Variants in KIAA0753 observed in about 807,000 individuals in gnomAD.
KIAA0753 encodes the protein KIAA0753.
KIAA0753 carries 114 observed loss-of-function variants against 116.9 expected under a neutral mutation model. That is an observed-to-expected ratio of 0.98 (90% CI 0.84 to 1.14). The LOEUF is 1.14. Among genes scored for constraint, KIAA0753 ranks in the 50% most tolerant of loss-of-function variants. The pLI, the probability that KIAA0753 is intolerant of heterozygous loss-of-function variation, is 0.00. For synonymous variants in KIAA0753, 405 were observed against 413.1 expected, an observed-to-expected ratio of 0.98 and a Z score of 0.24; for missense variants, 1,156 against 1,172.4, an observed-to-expected ratio of 0.99 and a Z score of 0.20.
At chr17:6,617,426 A>C (rs1971005420) in intron 7 of KIAA0753, among the ~76,000 whole-genome samples, 5 of 152,230 alleles carry the variant, frequency 3.3e-5, no homozygotes, top group Admixed American at 3.3e-4. Context: ...GTAAATGAAT[A>C]AATTAGGTTT....
intron 18 of KIAA0753, among the ~76,000 whole-genome samples, chr17:6,584,955 C>T (rs1401277896): frequency 6.6e-6 from 1 of 151,778 alleles, no homozygotes; most frequent in Non-Finnish European, 1.5e-5. Context: ...GCATGTACCA[C>T]CATGCCCAGC....
chr17:6,596,190 C>G lies in KIAA0753; in HGVS notation c.2326G>C (p.Glu776Gln). The change falls in exon 15 of 19, where the codon GAG becomes CAG. Residue 776 changes from glutamate (E) to glutamine (Q), a missense_variant. Transcript: ENST00000361413. ...TCTTCCATTCGGCGCATCATGATCT[C>G]CAGATCTGGGCTATCCTTGCTGTCC... ...VEDSKDSPDL[E>Q]IMMRRMEEME... The G allele has an allele frequency of 1.2e-6, 2 of 1,613,938 alleles. No homozygotes were observed. The highest frequency in any genetic ancestry group is 1.7e-6 in the Non-Finnish European group (2 of 1,179,850).
At chr17:6,607,364 A>C in intron 10 of KIAA0753, 94 bp from the exon 11 acceptor site, 3 of 937,076 alleles carry the variant, frequency 3.2e-6, no homozygotes, top group Non-Finnish European at 5.2e-6. Context: ...ACCACTGCAG[A>C]GCAGAGCACC....
intron 18 of KIAA0753, among the ~76,000 whole-genome samples, chr17:6,580,316 C>CA (rs1555566507): frequency 7.2e-6 from 1 of 139,336 alleles, no homozygotes; most frequent in Non-Finnish European, 1.6e-5. Flanking sequence ...AGCCAAGATA[C>CA]TTTTTTTTTT....
Position 6,635,048 on chromosome 17 carries a change from A to C in KIAA0753, c.56T>G (p.Leu19Arg). The change falls in exon 2 of 19, where the codon CTT becomes CGT. Residue 19 changes from leucine (L) to arginine (R), a missense_variant. Coordinates refer to ENST00000361413, the MANE Select transcript of KIAA0753 (RefSeq NM_014804.3). The part of the protein sequence containing the change: ...TCVHLAPRTQ[L>R]DGRSDPKVLQ... ...TACTTTGGGGTCGCTCCTCCCATCA[A>C]GTTGGGTCCTAGGTGCTAGATGAAC... The C allele has an allele frequency of 6.2e-7, 1 of 1,613,886 alleles. No homozygotes were observed. The highest frequency in any genetic ancestry group is 8.5e-7 in the Non-Finnish European group (1 of 1,179,778).
At chr17:6,636,434 T>C (rs529719935) in intron 1 of KIAA0753, 4 of 152,116 alleles carry the variant, frequency 2.6e-5, no homozygotes, top group African/African-American at 4.8e-5. Context: ...AAGGGCCAAA[T>C]AGTCCATTCT....
intron 18 of KIAA0753, among the ~76,000 whole-genome samples, chr17:6,587,338 T>C (rs955168925): frequency 1.3e-5 from 2 of 152,172 alleles, no homozygotes; most frequent in African/African-American, 4.8e-5. Flanking sequence ...GAGGAAAATA[T>C]TGTAAAAATC....
intron 18 of KIAA0753, 33 bp downstream of exon 18, chr17:6,589,746 T>C (rs543293509): frequency 5.8e-6 from 9 of 1,549,612 alleles, no homozygotes; most frequent in Non-Finnish European, 7.0e-6. Context: ...TGCAATTTGG[T>C]TCCTAAACAG....
intron 8 of KIAA0753, among the ~76,000 whole-genome samples, chr17:6,611,082 CT>C (rs1970507918): frequency 1.3e-5 from 2 of 152,188 alleles, no homozygotes. Context: ...CCAAATGTCA[CT>C]AATACAATAA....
intron 2 of KIAA0753, among the ~76,000 whole-genome samples, chr17:6,631,251 C>A (rs992358273): frequency 6.6e-6 from 1 of 152,140 alleles, no homozygotes; most frequent in African/African-American, 2.4e-5. Flanking sequence ...AAAAAATTAA[C>A]CCCAGTAACT....
rs1284828270 is a variant in KIAA0753, at chr17:6,620,818, G to A, written c.1285C>T (p.Arg429Ter). The change falls in exon 7 of 19, where the codon CGA (arginine) becomes TGA (stop). Residue 429 changes from arginine (R) to a stop codon, truncating the protein, a stop_gained. Transcript: ENST00000361413. LOFTEE classifies it high-confidence loss of function. ...AGAAGCTGCTTTGCTACAGAAGGTC[G>A]ACTTGTTTCCTGTGGGAATGTGTCC... is the stretch of plus-strand genomic sequence containing the variant. ...AKDTFPQETS[R>*]PSVAKQLLAD... 3.1e-6 allele frequency: 5 copies of A among 1,613,950 alleles called. No homozygotes were observed. Among genetic ancestry groups the A allele is most frequent in the South Asian group, 1.1e-5 (1 of 91,086 alleles).
chr17:6,628,046 C>T lies in KIAA0753; in HGVS notation c.718+71G>A. 1.1e-5 allele frequency: 16 copies of T among 1,445,074 alleles called. No individual in the cohort carries two copies. The South Asian group carries it at 1.6e-4, about 15-fold the overall frequency. The allele number at this position is 1,445,074 out of a possible 1,614,324, so 89.5% of individuals were successfully genotyped here. On this transcript the variant is annotated intron_variant, in intron 3 of 18. Transcript: ENST00000361413. ...GAAATTGCTATAGGGGTTGAGGGTC[C>T]TCAAGGAATGCATTTAAACTACCCC...
chr17:6,590,834 G>A (rs1053244764), intron 16 of KIAA0753, among the ~76,000 whole-genome samples: 1 of 152,096 alleles, frequency 6.6e-6, no homozygotes, highest in East Asian at 1.9e-4. Flanking sequence ...TGAGGAATAC[G>A]TTTTAAGAAA....
chr17:6,583,300 A>G (rs1968328590), intron 18 of KIAA0753, among the ~76,000 whole-genome samples: 1 of 152,080 alleles, frequency 6.6e-6, no homozygotes, highest in Non-Finnish European at 1.5e-5. Context: ...GATTTTCTCT[A>G]TCTGTGATTT....
rs370840009 is a variant in KIAA0753 at position 6,589,909 on chromosome 17, G to A, written c.2656C>T (p.Arg886Ter). The change falls in exon 18 of 19, where the codon CGA (arginine) becomes TGA (stop). Residue 886 changes from arginine to a stop codon, truncating the protein, a stop_gained. Transcript: ENST00000361413. LOFTEE classifies it high-confidence loss of function. ...CCCGGTGGGACAAAGAGGGGAGCTC[G>A]GCCTTCTTTCTGTTGAGAATCTTCG... ...LAEDSQQKEGRAPLFVPPGMQ... is the reference protein window; with the variant it reads ...LAEDSQQKEG The A allele has an allele frequency of 9.2e-5, 149 of 1,613,180 alleles. No homozygotes were observed. The highest frequency in any genetic ancestry group is 1.2e-4 in the Non-Finnish European group (138 of 1,179,732).
At chr17:6,605,340 C>T (rs1229335105) in intron 12 of KIAA0753, among the ~76,000 whole-genome samples, 1 of 152,200 alleles carries the variant, frequency 6.6e-6, no homozygotes, top group Non-Finnish European at 1.5e-5. Context: ...AGCGCAGCCC[C>T]TCTCCTGACA....
In KIAA0753 at chr17:6,589,792, G is replaced by A. The variant is rs772610185; in HGVS notation, c.2773C>T (p.Leu925=). The change falls in exon 18 of 19, where the codon CTG becomes TTG. Residue 925 remains leucine (L), a synonymous_variant. Coordinates refer to ENST00000361413, the MANE Select transcript of KIAA0753 (RefSeq NM_014804.3). ...CATTTTACTGACCTTTCAGCTATCA[G>A]CCACGGGTTGAAGGAGCCTACAGCC... ...HEAVGSFNPW[L]IAESFSEELV... 1.8e-5 allele frequency: 29 copies of A among 1,605,772 alleles called. No individual in the cohort carries two copies. Among genetic ancestry groups the A allele is most frequent in the Non-Finnish European group, 2.1e-5 (25 of 1,177,820 alleles).
intron 16 of KIAA0753, among the ~76,000 whole-genome samples, chr17:6,594,342 C>T (rs1969309212): frequency 6.7e-6 from 1 of 150,198 alleles, no homozygotes; most frequent in Admixed American, 6.6e-5. Flanking sequence ...GTGGCTTAAA[C>T]TTGTTACAAA....
At chr17:6,580,586 G>T (rs72830350) in intron 18 of KIAA0753, among the ~76,000 whole-genome samples, 37,450 of 151,894 alleles carry the variant, frequency 0.25, 5,126 homozygotes, top group East Asian at 0.39. Context: ...AAAGTGCTGG[G>T]ATTACAGGCA....
Sources: gnomAD v4.1 joint callset for allele counts (sites outside exome capture counted in the v4.1 genomes callset) on GRCh38, gnomAD v4.1.1 for gene constraint, MANE v1.5 for transcripts, NCBI Gene and HGNC (gene_info 2026-07-23, HGNC 2026-07-21) for gene names.